Variants in MDGA2 observed in about 807,000 individuals in gnomAD.
MDGA2 encodes the protein MAM domain containing glycosylphosphatidylinositol anchor 2.
In MDGA2, 40 loss-of-function variants were observed where a neutral mutation model predicts 117.8. The observed-to-expected ratio is 0.34, with a 90% CI of 0.26 to 0.44. MDGA2 has a LOEUF of 0.44. MDGA2 is among the 20% of genes least tolerant of loss of function. The pLI, the probability that MDGA2 is intolerant of heterozygous loss-of-function variation, is 1.00. For synonymous variants in MDGA2, 452 were observed against 439.0 expected, an observed-to-expected ratio of 1.03 and a Z score of -0.37; for missense variants, 1,123 against 1,250.6, an observed-to-expected ratio of 0.90 and a Z score of 1.54.
At chr14:47,068,413 A>T (rs1180283843) in intron 6 of MDGA2, among the ~76,000 whole-genome samples, 9 of 143,500 alleles carry the variant, frequency 6.3e-5, no homozygotes, top group African/African-American at 2.3e-4. Flanking sequence ...AGTAAGAAAA[A>T]AAAAATATAT....
intron 6 of MDGA2, among the ~76,000 whole-genome samples, chr14:47,076,412 A>G (rs1267757148): frequency 2.0e-5 from 3 of 152,142 alleles, no homozygotes; most frequent in Non-Finnish European, 4.4e-5. Flanking sequence ...TTTTCTTAAC[A>G]TATGACTCTC....
chr14:46,868,533 C>T (rs1881868809), intron 14 of MDGA2, among the ~76,000 whole-genome samples: 3 of 151,916 alleles, frequency 2.0e-5, no homozygotes, highest in East Asian at 2.0e-4. Flanking sequence ...CAAGGAAAAG[C>T]CAGAGGGGCA....
intron 1 of MDGA2, among the ~76,000 whole-genome samples, chr14:47,566,801 C>T (rs1035756489): frequency 3.3e-5 from 5 of 152,154 alleles, no homozygotes; most frequent in African/African-American, 1.2e-4. Flanking sequence ...TGTCCACTCT[C>T]AATGCCTTCC....
At chr14:47,348,167 ATGTGTGTG>A (rs56850503) in intron 1 of MDGA2, among the ~76,000 whole-genome samples, 10 of 143,450 alleles carry the variant, frequency 7.0e-5, no homozygotes, top group African/African-American at 2.1e-4. Flanking sequence ...CTCTCTGTAT[ATGTGTGTG>A]TGTGTGTGTG....
chr14:47,257,207 C>T (rs4548779), intron 2 of MDGA2, among the ~76,000 whole-genome samples: 6 of 152,136 alleles, frequency 3.9e-5, no homozygotes, highest in African/African-American at 1.4e-4. Flanking sequence ...CTCTGTGTTT[C>T]TGCTCCCCTT....
At chr14:46,918,760 C>CTTTTTTTTTTTTTTTTTTTTTTTTT (rs34958634) in intron 10 of MDGA2, among the ~76,000 whole-genome samples, 2 of 124,802 alleles carry the variant, frequency 1.6e-5, no homozygotes, top group African/African-American at 3.4e-5. Context: ...TACAGTGTAT[C>CTTTTTTTTTTTTTTTTTTTTTTTTT]TTTTTTTTTT....
chr14:47,553,631 T>A (rs145003871), intron 1 of MDGA2, among the ~76,000 whole-genome samples: 125 of 152,316 alleles, frequency 8.2e-4, no homozygotes, highest in African/African-American at 2.8e-3. Flanking sequence ...TTCCTACATA[T>A]ACATTGCATA....
At chr14:47,222,943 A>G (rs1454981887) in intron 2 of MDGA2, among the ~76,000 whole-genome samples, 1 of 152,220 alleles carries the variant, frequency 6.6e-6, no homozygotes, top group Non-Finnish European at 1.5e-5. Flanking sequence ...CTGCCTGTAA[A>G]GACATACCTG....
At chr14:47,542,612 T>C (rs967039709) in intron 1 of MDGA2, among the ~76,000 whole-genome samples, 6 of 152,286 alleles carry the variant, frequency 3.9e-5, no homozygotes, top group East Asian at 1.9e-4. Flanking sequence ...CACTCTAGTA[T>C]AGTTTAAAGA....
chr14:47,296,675 T>G (rs1431261858), intron 2 of MDGA2, among the ~76,000 whole-genome samples: 2 of 152,200 alleles, frequency 1.3e-5, no homozygotes, highest in Non-Finnish European at 2.9e-5. Flanking sequence ...CCTTTCAACT[T>G]TGGCTAAATA....
chr14:47,667,574 A>T (rs113240481), intron 1 of MDGA2, among the ~76,000 whole-genome samples: 2,261 of 152,328 alleles, frequency 0.015, 57 homozygotes, highest in Admixed American at 0.059. Context: ...ACAAAGTTCT[A>T]GTGGCTTCAG....
At chr14:47,355,145 C>G (rs1890965625) in intron 1 of MDGA2, among the ~76,000 whole-genome samples, 1 of 152,154 alleles carries the variant, frequency 6.6e-6, no homozygotes, top group Non-Finnish European at 1.5e-5. Context: ...CCAGCTTACC[C>G]TCGCACATCT....
At chr14:46,920,249 T>A in intron 9 of MDGA2, 89 bp from the exon 10 acceptor site, 1 of 1,234,626 alleles carries the variant, frequency 8.1e-7, no homozygotes, top group Non-Finnish European at 1.1e-6. Flanking sequence ...CCATTTCTAC[T>A]ATATTTTTCA....
intron 8 of MDGA2, chr14:46,996,900 C>T: frequency 2.9e-6 from 1 of 345,764 alleles, no homozygotes; most frequent in Non-Finnish European, 5.4e-6. Flanking sequence ...CTGAGCAAAT[C>T]TAACAGCAAG....
chr14:47,633,516 T>C (rs1897274241), intron 1 of MDGA2, among the ~76,000 whole-genome samples: 1 of 152,202 alleles, frequency 6.6e-6, no homozygotes, highest in African/African-American at 2.4e-5. Context: ...GTTTATGTTG[T>C]AAACACTTTA....
intron 1 of MDGA2, among the ~76,000 whole-genome samples, chr14:47,630,944 C>T (rs1239808317): frequency 6.6e-6 from 1 of 152,156 alleles, no homozygotes; most frequent in Non-Finnish European, 1.5e-5. Context: ...TGAGGTTAAG[C>T]CCTGTTATCC....
chr14:47,260,487 G>A (rs539880294), intron 2 of MDGA2, among the ~76,000 whole-genome samples: 9 of 152,148 alleles, frequency 5.9e-5, no homozygotes, highest in South Asian at 2.1e-4. Context: ...TCCAGAAGGT[G>A]TCTCTCTTGA....
chr14:46,840,014 G>T (rs1424313178), downstream of MDGA2: 1 of 152,146 alleles, frequency 6.6e-6, no homozygotes, highest in Non-Finnish European at 1.5e-5. Flanking sequence ...TTATCCCATG[G>T]TAACCAATAA....
chr14:46,904,685 C>T (rs1396342646), intron 10 of MDGA2, among the ~76,000 whole-genome samples: 2 of 152,174 alleles, frequency 1.3e-5, no homozygotes, highest in African/African-American at 4.8e-5. Flanking sequence ...CTGTACTACA[C>T]AAGCTAATGT....
Sources: allele counts gnomAD v4.1 joint callset (sites outside exome capture counted in the v4.1 genomes callset), GRCh38; gene constraint gnomAD v4.1.1; transcripts MANE v1.5; gene names NCBI Gene and HGNC (gene_info 2026-07-23, HGNC 2026-07-21).